The following NFIB variants were observed in gnomAD, a reference collection of about 807,000 sequenced individuals.
The protein encoded by NFIB is nuclear factor 1 B-type.
A neutral mutation model predicts 61.5 loss-of-function variants in NFIB; 11 were observed. That is an observed-to-expected ratio of 0.18 (90% CI 0.11 to 0.30). The LOEUF (loss-of-function observed/expected upper bound fraction) is 0.30. Ranked by LOEUF, NFIB falls within the 10% of genes least tolerant of loss-of-function variation. NFIB has a pLI of 1.00. For missense variants in NFIB, 471 were observed against 608.9 expected (o/e 0.77, Z 2.38); for synonymous variants, 260 against 216.5 (o/e 1.20, Z -1.76).
At chr9:14,417,394 A>G in the NFIB span, among the ~76,000 whole-genome samples, 4 of 152,200 alleles carry the variant, frequency 2.6e-5, no homozygotes, top group African/African-American at 9.7e-5. Context: ...GTGTAAGCAC[A>G]CTGTATGAAG....
chr9:14,262,085 T>TGTC (rs2056811940), intron 2 of NFIB, among the ~76,000 whole-genome samples: 9 of 151,464 alleles, frequency 5.9e-5, no homozygotes, highest in Non-Finnish European at 1.0e-4. Flanking sequence ...ACTTTTCACT[T>TGTC]ATCTACACAG....
At chr9:14,187,349 T>C (rs1245986462) in intron 2 of NFIB, among the ~76,000 whole-genome samples, 1 of 152,138 alleles carries the variant, frequency 6.6e-6, no homozygotes, top group Non-Finnish European at 1.5e-5. Context: ...ACCAATATAA[T>C]ATTTGGGAGA....
intron 2 of NFIB, among the ~76,000 whole-genome samples, chr9:14,242,006 A>C (rs902551887): frequency 3.9e-5 from 6 of 152,164 alleles, no homozygotes; most frequent in Non-Finnish European, 7.4e-5. Context: ...TTCAACCAGA[A>C]GAATTTGTTT....
chr9:14,500,856 G>T, the NFIB span, among the ~76,000 whole-genome samples: 2 of 152,062 alleles, frequency 1.3e-5, no homozygotes, highest in African/African-American at 4.8e-5. Flanking sequence ...TCTGAAAACC[G>T]CCCACTCCCT....
chr9:14,463,900 T>G, the NFIB span, among the ~76,000 whole-genome samples: 15 of 152,148 alleles, frequency 9.9e-5, no homozygotes, highest in Admixed American at 8.5e-4. Flanking sequence ...GACCTCGTGG[T>G]CCGACCGCCT....
intron 2 of NFIB, among the ~76,000 whole-genome samples, chr9:14,250,010 C>T (rs1347621764): frequency 3.3e-5 from 5 of 152,224 alleles, no homozygotes; most frequent in African/African-American, 9.6e-5. Context: ...CTATTCCTAA[C>T]TCCTTGTTCA....
At chr9:14,514,227 C>G in the NFIB span, among the ~76,000 whole-genome samples, 3 of 152,104 alleles carry the variant, frequency 2.0e-5, no homozygotes, top group Non-Finnish European at 4.4e-5. Context: ...ATATGTTGAT[C>G]TGTTCTCCAA....
chr9:14,108,180 C>T (rs1019363030), intron 10 of NFIB, among the ~76,000 whole-genome samples: 9 of 152,078 alleles, frequency 5.9e-5, no homozygotes, highest in East Asian at 1.9e-4. Flanking sequence ...CATGTGATAG[C>T]GTTTTACGTC....
the NFIB span, among the ~76,000 whole-genome samples, chr9:14,464,933 A>G: frequency 6.6e-6 from 1 of 152,204 alleles, no homozygotes; most frequent in African/African-American, 2.4e-5. Context: ...AGTACCTGTC[A>G]TGTGGAATGT....
At chr9:14,413,663 T>A in the NFIB span, among the ~76,000 whole-genome samples, 2 of 152,204 alleles carry the variant, frequency 1.3e-5, no homozygotes, top group African/African-American at 4.8e-5. Flanking sequence ...TTGATTACAT[T>A]TAAGGCCTGT....
the NFIB span, among the ~76,000 whole-genome samples, chr9:14,412,843 T>A: frequency 2.6e-5 from 4 of 152,120 alleles, no homozygotes; most frequent in Admixed American, 2.6e-4. Context: ...TTAGGAGCTT[T>A]AAAAAATGTT....
intron 7 of NFIB, among the ~76,000 whole-genome samples, chr9:14,122,166 T>G (rs1187491377): frequency 4.2e-5 from 5 of 118,424 alleles, no homozygotes; most frequent in Non-Finnish European, 6.4e-5. Context: ...ATTTCCAACT[T>G]TGAAACTATG....
At chr9:14,292,846 C>A (rs2059190998) in intron 2 of NFIB, among the ~76,000 whole-genome samples, 1 of 152,100 alleles carries the variant, frequency 6.6e-6, no homozygotes, top group South Asian at 2.1e-4. Context: ...CAGAAACTTA[C>A]ATTTCAAAGT....
the NFIB span, among the ~76,000 whole-genome samples, chr9:14,503,153 A>AAT: frequency 1.0e-3 from 150 of 149,770 alleles, no homozygotes; most frequent in South Asian, 1.5e-3. Context: ...TATATAAAAT[A>AAT]ATATATATAT....
the NFIB span, among the ~76,000 whole-genome samples, chr9:14,501,751 G>T: frequency 3.3e-5 from 5 of 152,232 alleles, no homozygotes; most frequent in Non-Finnish European, 7.3e-5. Flanking sequence ...GAGAGCATCA[G>T]AGGGAAAGAG....
At chr9:14,443,552 A>G in the NFIB span, among the ~76,000 whole-genome samples, 1 of 152,074 alleles carries the variant, frequency 6.6e-6, no homozygotes, top group Non-Finnish European at 1.5e-5. Context: ...TCCCTTTCTA[A>G]GCCATGCTTC....
chr9:14,175,307 G>A (rs758534413), intron 3 of NFIB, among the ~76,000 whole-genome samples: 1 of 151,344 alleles, frequency 6.6e-6, no homozygotes, highest in Non-Finnish European at 1.5e-5. Flanking sequence ...CCCAGCAGCT[G>A]AGACTACAGG....
At chr9:14,454,111 A>G in the NFIB span, among the ~76,000 whole-genome samples, 7 of 152,202 alleles carry the variant, frequency 4.6e-5, no homozygotes, top group African/African-American at 1.7e-4. Context: ...GTACAAACAT[A>G]TAGGTAGTGT....
intron 2 of NFIB, among the ~76,000 whole-genome samples, chr9:14,224,853 G>A (rs1485898959): frequency 6.6e-6 from 1 of 152,182 alleles, no homozygotes; most frequent in Non-Finnish European, 1.5e-5. Flanking sequence ...TATCTTCCCT[G>A]AGAGGATAAG....
Sources: gnomAD v4.1 joint callset for allele counts (sites outside exome capture counted in the v4.1 genomes callset) on GRCh38, gnomAD v4.1.1 for gene constraint, MANE v1.5 for transcripts, NCBI Gene and HGNC (gene_info 2026-07-23, HGNC 2026-07-21) for gene names.